Variants in ZMYND11 observed in about 807,000 individuals in gnomAD.
ZMYND11 encodes the protein zinc finger MYND domain-containing protein 11.
A neutral mutation model predicts 84.9 loss-of-function variants in ZMYND11; 9 were observed. The ratio of observed to expected loss-of-function variants is 0.11; its 90% CI spans 0.06 to 0.18. The LOEUF (loss-of-function observed/expected upper bound fraction) is 0.18, where lower values mean the gene tolerates loss of function less well. ZMYND11 is among the 10% of genes least tolerant of loss of function. The pLI is 1.00. For synonymous variants in ZMYND11, 250 were observed against 244.1 expected (o/e 1.02, Z -0.23); for missense variants, 409 against 761.0 (o/e 0.54, Z 5.44).
At chr10:238,803 C>T (rs1401976604) in intron 6 of ZMYND11, among the ~76,000 whole-genome samples, 1 of 152,128 alleles carries the variant, frequency 6.6e-6, no homozygotes, top group Non-Finnish European at 1.5e-5. Context: ...CCAGCCATAG[C>T]CCCTTCTAAA....
At chr10:146,882 T>TGCCA (rs1554755466) in intron 1 of ZMYND11, among the ~76,000 whole-genome samples, 3 of 152,244 alleles carry the variant, frequency 2.0e-5, no homozygotes, top group Non-Finnish European at 4.4e-5. Context: ...TTCTCCTGCC[T>TGCCA]GCCAGCATGT....
chr10:237,044 G>A lies in ZMYND11; in HGVS notation c.516+129G>A, dbSNP rs770774116. 3.1e-5 allele frequency: 24 copies of A among 783,810 alleles called. 1 individual carries two copies. Among genetic ancestry groups the A allele is most frequent in the East Asian group, 8.8e-5 (3 of 34,168 alleles). 48.6% of individuals were successfully genotyped at this position (783,810 alleles called of 1,614,324 possible). A position where few individuals can be genotyped will look rare whatever the true frequency, so the allele number is the denominator to read the frequency against. On this transcript the variant is annotated intron_variant, in intron 5 of 14. Coordinates refer to ENST00000381604, the MANE Select transcript of ZMYND11 (RefSeq NM_001370100.5). ...CAATATGAAGTGTGGAGAGCACCCC[G>A]TCATGTCATATTTCTTTTTTGCAGT...
chr10:177,746 A>G (rs982894220), intron 1 of ZMYND11, among the ~76,000 whole-genome samples: 2 of 152,164 alleles, frequency 1.3e-5, no homozygotes, highest in African/African-American at 2.4e-5. Flanking sequence ...AAAATTTACA[A>G]GTTGACTTGT....
intron 3 of ZMYND11, among the ~76,000 whole-genome samples, chr10:212,319 T>C (rs947816575): frequency 2.0e-5 from 3 of 152,168 alleles, no homozygotes; most frequent in Non-Finnish European, 4.4e-5. Context: ...TTCTTCTGTC[T>C]AGATGAAATA....
At chr10:175,886 A>C (rs1018182074) in intron 1 of ZMYND11, among the ~76,000 whole-genome samples, 4 of 152,208 alleles carry the variant, frequency 2.6e-5, no homozygotes, top group African/African-American at 9.6e-5. Flanking sequence ...TATACTGATA[A>C]AAAACCTGAA....
chr10:198,099 T>C, intron 2 of ZMYND11: 1 of 404,176 alleles, frequency 2.5e-6, no homozygotes, highest in South Asian at 6.5e-5. Flanking sequence ...ATATAATTTA[T>C]AATGGCCAAA....
chr10:233,219 A>T (rs1949311439), intron 4 of ZMYND11, among the ~76,000 whole-genome samples: 1 of 139,348 alleles, frequency 7.2e-6, no homozygotes, highest in Non-Finnish European at 1.7e-5. Flanking sequence ...TTTTCCTTTG[A>T]GGTAAAATTC....
At chr10:214,590 A>G (rs768993104) in intron 3 of ZMYND11, among the ~76,000 whole-genome samples, 6 of 152,230 alleles carry the variant, frequency 3.9e-5, no homozygotes, top group Non-Finnish European at 7.3e-5. Context: ...TTAAAATTAT[A>G]TTGGAAAAAG....
At chr10:240,030 TA>T (rs1252232262) in intron 7 of ZMYND11, 25 bp from the exon 8 acceptor site, 1 of 1,594,818 alleles carries the variant, frequency 6.3e-7, no homozygotes, top group Admixed American at 1.7e-5. Context: ...CTATTGCTTA[TA>T]GGTAATATCT....
chr10:168,799 A>G (rs1275054825), intron 1 of ZMYND11, among the ~76,000 whole-genome samples: 1 of 152,194 alleles, frequency 6.6e-6, no homozygotes, highest in Non-Finnish European at 1.5e-5. Flanking sequence ...CCGGAACACA[A>G]ACCCACAAGG....
At chr10:190,115 G>C (rs1939937773) in intron 2 of ZMYND11, among the ~76,000 whole-genome samples, 1 of 152,168 alleles carries the variant, frequency 6.6e-6, no homozygotes, top group Non-Finnish European at 1.5e-5. Flanking sequence ...AATGGTAAAA[G>C]TAAAACACAG....
chr10:156,026 C>T (rs782075299), intron 1 of ZMYND11, among the ~76,000 whole-genome samples: 6 of 152,320 alleles, frequency 3.9e-5, no homozygotes, highest in South Asian at 2.1e-4. Context: ...ATTTAATTTA[C>T]AGCAGGGATT....
intron 9 of ZMYND11, 125 bp downstream of exon 9, chr10:241,095 A>C (rs1950818471): frequency 3.2e-6 from 2 of 616,280 alleles, no homozygotes; most frequent in Non-Finnish European, 5.4e-6. Flanking sequence ...GGGTTTAATG[A>C]GTATAAACAA....
chr10:247,384 T>C lies in ZMYND11; in HGVS notation c.1159-14T>C. ...AGTGTCTGGAATAATATATTACTTT[T>C]ATAATGCCCACAGCTAAAGGTCACT... is the stretch of plus-strand genomic sequence containing the variant. On this transcript the variant is annotated splice_polypyrimidine_tract_variant and intron_variant, in intron 11 of 14. Coordinates refer to ENST00000381604, the MANE Select transcript of ZMYND11 (RefSeq NM_001370100.5). The C allele has an allele frequency of 6.2e-7, 1 of 1,613,720 alleles. No homozygotes were observed. The highest frequency in any genetic ancestry group is 8.5e-7 in the Non-Finnish European group (1 of 1,179,726).
At chr10:177,908 C>G (rs1385120746) in intron 1 of ZMYND11, among the ~76,000 whole-genome samples, 3 of 152,076 alleles carry the variant, frequency 2.0e-5, no homozygotes, top group Admixed American at 6.6e-5. Flanking sequence ...ACTCCCACTT[C>G]CCTTCCTTTG....
intron 2 of ZMYND11, among the ~76,000 whole-genome samples, chr10:201,277 C>G (rs902938937): frequency 1.3e-5 from 2 of 152,114 alleles, no homozygotes; most frequent in African/African-American, 4.8e-5. Flanking sequence ...CTGGACTCCA[C>G]AGTGGTGTGA....
intron 2 of ZMYND11, among the ~76,000 whole-genome samples, chr10:197,127 A>T (rs767151793): frequency 6.6e-6 from 1 of 151,364 alleles, no homozygotes. Flanking sequence ...GTGTGTGCCC[A>T]CGTGCACATT....
Position 253,188 on chromosome 10 carries a change from A to C in ZMYND11, c.*718A>C, listed in dbSNP as rs1010472997. 6.5e-6 allele frequency: 1 copy of C among 152,690 alleles called. No individual in the cohort carries two copies. The allele number at this position is 152,690 out of a possible 1,614,324, so 9.5% of individuals were successfully genotyped here. ...TAGAGAAAATGAATATTTAAATTTT[A>C]AAGTTTGCACATTTCATCTTTGTCC... On this transcript the variant is annotated 3_prime_UTR_variant, in exon 15 of 15. Coordinates refer to ENST00000381604, the MANE Select transcript of ZMYND11 (RefSeq NM_001370100.5).
intron 4 of ZMYND11, among the ~76,000 whole-genome samples, chr10:226,311 T>A (rs1485937705): frequency 6.6e-6 from 1 of 152,190 alleles, no homozygotes; most frequent in Non-Finnish European, 1.5e-5. Context: ...TTGCTTTTGC[T>A]CTAATGCCTC....
Sources: gnomAD v4.1 joint callset for allele counts (sites outside exome capture counted in the v4.1 genomes callset) on GRCh38, gnomAD v4.1.1 for gene constraint, MANE v1.5 for transcripts, NCBI Gene and HGNC (gene_info 2026-07-23, HGNC 2026-07-21) for gene names.